The following RASGRF2 variants were observed in gnomAD, a reference collection of about 807,000 sequenced individuals.
RASGRF2 encodes Ras protein specific guanine nucleotide releasing factor 2.
In RASGRF2, 76 loss-of-function variants were observed where a neutral mutation model predicts 151.0. That is an observed-to-expected ratio of 0.50 (90% CI 0.42 to 0.61). The LOEUF (loss-of-function observed/expected upper bound fraction) is 0.61. RASGRF2 is among the 20% of genes least tolerant of loss of function. RASGRF2 has a pLI of 0.00. For synonymous variants in RASGRF2, 504 were observed against 566.5 expected (o/e 0.89, Z 1.57); for missense variants, 1,148 against 1,564.6 (o/e 0.73, Z 4.49).
In RASGRF2 at chr5:81,229,534, C is replaced by G. The variant is rs376958882; in HGVS notation, c.*3764C>G. 2.2e-4 allele frequency: 33 copies of G among 152,328 alleles called. No homozygotes were observed. The East Asian group carries it at 2.7e-3, about 12-fold the overall frequency. 9.4% of individuals were successfully genotyped at this position (152,328 alleles called of 1,614,324 possible). On this transcript the variant is annotated 3_prime_UTR_variant, in exon 27 of 27. Transcript: ENST00000265080. Reference sequence around the variant, plus strand: ...ACAGTCATTTTGTTGTAGGTATAAACACATGAACGATTCAGAAAATTATTC... The same window carrying G: ...ACAGTCATTTTGTTGTAGGTATAAAGACATGAACGATTCAGAAAATTATTC...
At chr5:81,137,499 G>A (rs943421586) in intron 17 of RASGRF2, among the ~76,000 whole-genome samples, 8 of 152,064 alleles carry the variant, frequency 5.3e-5, no homozygotes, top group African/African-American at 1.9e-4. Context: ...ATCTGTTATG[G>A]GCTGCACTGT....
Position 81,042,901 on chromosome 5 carries a change from C to T in RASGRF2, c.313C>T (p.His105Tyr), listed in dbSNP as rs1032843299. The change falls in exon 2 of 27, where the codon CAT (histidine) becomes TAT (tyrosine). Residue 105 changes from histidine to tyrosine, a missense_variant. By Grantham distance (83) the His-to-Tyr change is moderately conservative. Coordinates refer to ENST00000265080, the MANE Select transcript of RASGRF2 (RefSeq NM_006909.3). Reference protein sequence around the residue: ...KQYYFTVLFGHEGQKPLELRC... With the variant: ...KQYYFTVLFGYEGQKPLELRC... ...GTATTACTTTACTGTTCTTTTTGGC[C>T]ATGAAGGTCAGAAGCCACTGGAGCT... 3 of 1,611,716 alleles carry T rather than the reference C, an allele frequency of 1.9e-6. No homozygotes were observed. The highest frequency in any genetic ancestry group is 2.5e-6 in the Non-Finnish European group (3 of 1,179,302).
At chr5:81,121,610 C>T (rs1753309752) in intron 15 of RASGRF2, among the ~76,000 whole-genome samples, 1 of 152,144 alleles carries the variant, frequency 6.6e-6, no homozygotes, top group Non-Finnish European at 1.5e-5. Context: ...AATTTAATTT[C>T]CCTCCAACTC....
intron 15 of RASGRF2, among the ~76,000 whole-genome samples, chr5:81,121,372 C>T (rs566209606): frequency 6.6e-6 from 1 of 152,258 alleles, no homozygotes; most frequent in South Asian, 2.1e-4. Flanking sequence ...CAATTAGGTC[C>T]CTATTGATGC....
At chr5:81,113,358 G>A (rs1753054059) in intron 14 of RASGRF2, 180 bp from the exon 15 acceptor site, 1 of 706,292 alleles carries the variant, frequency 1.4e-6, no homozygotes, top group Non-Finnish European at 2.3e-6. Flanking sequence ...TGCCTAATAA[G>A]TGTCTGTGCT....
At position 80,990,690 on chromosome 5, in the gene RASGRF2, C is replaced by G. The variant is rs763247381; in HGVS notation, c.288+29664C>G. 3.4e-4 allele frequency among the ~76,000 whole-genome samples: 52 copies of G among 152,138 alleles called. 1 individual carries two copies. Among genetic ancestry groups the G allele is most frequent in the South Asian group, 2.1e-4 (1 of 4,824 alleles). The stretch of plus-strand genomic sequence containing the variant: ...ACTTCCAGGCTAGGTTTTTCCTTCC[C>G]ATGGGTTGAATTGCTGGCTGGCTGG... On this transcript the variant is annotated intron_variant, in intron 1 of 26. Coordinates refer to ENST00000265080, the MANE Select transcript of RASGRF2 (RefSeq NM_006909.3).
At chr5:81,059,835 C>G (rs972607399) in intron 2 of RASGRF2, among the ~76,000 whole-genome samples, 1 of 143,956 alleles carries the variant, frequency 6.9e-6, no homozygotes, top group African/African-American at 2.5e-5. Context: ...CAGAGGGAGA[C>G]TCCACCAAAA....
intron 7 of RASGRF2, 118 bp downstream of exon 7, chr5:81,080,907 AC>A: frequency 8.0e-6 from 7 of 878,632 alleles, no homozygotes; most frequent in Non-Finnish European, 1.2e-5. Context: ...GCACAGATGT[AC>A]CATCTGTTGC....
intron 17 of RASGRF2, among the ~76,000 whole-genome samples, chr5:81,175,103 A>T (rs1318058657): frequency 6.6e-6 from 1 of 152,170 alleles, no homozygotes; most frequent in Non-Finnish European, 1.5e-5. Flanking sequence ...TAGTTCTGTG[A>T]CCTTTGCCAA....
At chr5:81,193,087 T>C (rs976327566) in intron 18 of RASGRF2, among the ~76,000 whole-genome samples, 6 of 152,220 alleles carry the variant, frequency 3.9e-5, no homozygotes, top group African/African-American at 1.4e-4. Flanking sequence ...CTGTTAGGAA[T>C]ATACTGTACT....
intron 17 of RASGRF2, among the ~76,000 whole-genome samples, chr5:81,134,143 G>A (rs1753697278): frequency 6.7e-6 from 1 of 149,866 alleles, no homozygotes; most frequent in African/African-American, 2.5e-5. Context: ...TGTCAGTTAA[G>A]GGTAAAAATT....
intron 17 of RASGRF2, among the ~76,000 whole-genome samples, chr5:81,140,603 C>T (rs1042327641): frequency 2.6e-5 from 4 of 152,260 alleles, no homozygotes; most frequent in Admixed American, 6.5e-5. Context: ...AAACATGCCA[C>T]GCAGCAAGCT....
At chr5:81,141,124 G>A (rs1314223936) in intron 17 of RASGRF2, among the ~76,000 whole-genome samples, 3 of 152,138 alleles carry the variant, frequency 2.0e-5, no homozygotes, top group Non-Finnish European at 4.4e-5. Flanking sequence ...ATTTGGCTGT[G>A]AGCCACCAGT....
rs534321829 is a variant in RASGRF2 at position 81,153,473 on chromosome 5, T to C, written c.2686+26310T>C. 2.0e-4 allele frequency among the ~76,000 whole-genome samples: 31 copies of C among 152,304 alleles called. No homozygotes were observed. The South Asian group carries it at 6.4e-3, about 32-fold the overall frequency. ...AGGATGGAGGGCACCCTCTAGAAGC[T>C]GGAAAAAGCAAGAAAATGGATTCTG... On this transcript the variant is annotated intron_variant, in intron 17 of 26. Transcript: ENST00000265080.
intron 18 of RASGRF2, among the ~76,000 whole-genome samples, chr5:81,192,799 A>C (rs1755178527): frequency 6.6e-6 from 1 of 152,242 alleles, no homozygotes; most frequent in African/African-American, 2.4e-5. Flanking sequence ...ATGATCATTC[A>C]GTGCCTTTGC....
rs557152577 is a variant in RASGRF2, at chr5:80,969,488, A to T, written c.288+8462A>T. 2.0e-5 allele frequency among the ~76,000 whole-genome samples: 3 copies of T among 146,658 alleles called. No homozygotes were observed. The Admixed American group carries it at 2.1e-4, about 10-fold the overall frequency. ...TTTTGAGACAGAGTCTCACTCTGTC[A>T]CCCACGCTGGAGTGCAGTGGCGCGA... is the stretch of plus-strand genomic sequence containing the variant. On this transcript the variant is annotated intron_variant, in intron 1 of 26. Transcript: ENST00000265080.
chr5:81,203,262 A>T (rs1382373252), intron 19 of RASGRF2, among the ~76,000 whole-genome samples: 2 of 152,224 alleles, frequency 1.3e-5, no homozygotes, highest in Non-Finnish European at 2.9e-5. Flanking sequence ...TTGTGCCCCT[A>T]GGGATATTTG....
At chr5:80,994,276 G>A (rs1042824271) in intron 1 of RASGRF2, among the ~76,000 whole-genome samples, 6 of 149,632 alleles carry the variant, frequency 4.0e-5, no homozygotes, top group Non-Finnish European at 8.9e-5. Context: ...TGAGGCAGGA[G>A]AATGGCGTGA....
At chr5:80,970,850 T>C (rs1015001846) in intron 1 of RASGRF2, among the ~76,000 whole-genome samples, 9 of 152,190 alleles carry the variant, frequency 5.9e-5, no homozygotes, top group Admixed American at 4.6e-4. Context: ...AAGATTACTT[T>C]TACCAAACCA....
Sources: allele counts gnomAD v4.1 joint callset (sites outside exome capture counted in the v4.1 genomes callset), GRCh38; gene constraint gnomAD v4.1.1; transcripts MANE v1.5; gene names NCBI Gene and HGNC (gene_info 2026-07-23, HGNC 2026-07-21).